WARS1: variants seen among roughly 807,000 people sequenced by gnomAD.
WARS1 encodes the protein tryptophanyl-tRNA synthetase 1.
WARS1 carries 17 observed loss-of-function variants against 47.8 expected under a neutral mutation model. The observed-to-expected ratio is 0.36, with a 90% CI of 0.24 to 0.53. The LOEUF is 0.53. WARS1 is among the 20% of genes least tolerant of loss of function. The pLI is 0.91. For missense variants in WARS1, 434 were observed against 608.0 expected (o/e 0.71, Z 3.01); for synonymous variants, 208 against 228.1 (o/e 0.91, Z 0.79).
intron 4 of WARS1, among the ~76,000 whole-genome samples, chr14:100,359,871 T>G (rs1367240635): frequency 6.6e-6 from 1 of 152,174 alleles, no homozygotes; most frequent in African/African-American, 2.4e-5. Flanking sequence ...AGGTAGAATT[T>G]GAAGTGTTTG....
intron 10 of WARS1, 175 bp downstream of exon 10, chr14:100,336,887 G>A (rs1458478582): frequency 3.9e-6 from 3 of 773,104 alleles, no homozygotes; most frequent in Non-Finnish European, 6.0e-6. Flanking sequence ...ATTTGTTCAT[G>A]AGGCTTCTGA....
rs1415518841 is a variant in WARS1, at chr14:100,353,854, T to C, written c.558A>G (p.Val186=). 1.2e-6 allele frequency: 2 copies of C among 1,613,888 alleles called. No homozygotes were observed. Among genetic ancestry groups the C allele is most frequent in the Non-Finnish European group, 1.7e-6 (2 of 1,179,964 alleles). ...TCTGGATGACCAAGGGCACGTTAAATACATCCTGGAGCCACCTAAAGAAAC... is the reference window on the plus strand; with the variant it reads ...TCTGGATGACCAAGGGCACGTTAAACACATCCTGGAGCCACCTAAAGAAAC... The part of the protein sequence containing the change: ...PFIFTKWLQD[V]FNVPLVIQMT... The change falls in exon 6 of 11, where the codon GTA becomes GTG. Residue 186 remains valine (V), a synonymous_variant. Transcript: ENST00000392882.
At chr14:100,354,329 G>A in intron 5 of WARS1, 118 bp downstream of exon 5, 1 of 1,448,894 alleles carries the variant, frequency 6.9e-7, no homozygotes, top group African/African-American at 1.4e-5. Flanking sequence ...GCCAACTCTT[G>A]ACATCTTGGT....
intron 7 of WARS1, among the ~76,000 whole-genome samples, chr14:100,346,028 T>C (rs1894596202): frequency 6.6e-6 from 1 of 152,220 alleles, no homozygotes; most frequent in Non-Finnish European, 1.5e-5. Context: ...GGCAGCTGAC[T>C]GAAGGCCTCA....
Position 100,336,789 on chromosome 14 carries a change from G to A in WARS1, c.1254+273C>T, listed in dbSNP as rs867233380. 5 of 364,626 alleles carry A rather than the reference G, an allele frequency of 1.4e-5. 1 individual carries two copies. In the South Asian group the frequency reaches 2.3e-4, roughly 17 times the overall value. The allele number at this position is 364,626 out of a possible 1,614,324, so 22.6% of individuals were successfully genotyped here. ...ACTCAACTGTCTTAGCTTTGATCAC[G>A]TTAACTTACATTTCTCTGATGACTA... On this transcript the variant is annotated intron_variant, in intron 10 of 10. Coordinates refer to ENST00000392882, the MANE Select transcript of WARS1 (RefSeq NM_004184.4).
intron 10 of WARS1, among the ~76,000 whole-genome samples, chr14:100,336,209 G>A (rs577464314): frequency 6.7e-6 from 1 of 148,192 alleles, no homozygotes; most frequent in African/African-American, 2.5e-5. Flanking sequence ...CCGGGAGGCA[G>A]AGCTTGCAGT....
In WARS1 at chr14:100,360,615, C is replaced by G. The variant is rs377172185; in HGVS notation, c.361G>C (p.Glu121Gln). ...TGTGGTCTTTGGCCGGTGGCTCTCT[C>G]TATTCGGTTTATTAGCTCTTTGTCA... ...KIDKELINRIERATGQRPHHF... is the reference protein window; with the variant it reads ...KIDKELINRIQRATGQRPHHF... Residue 121 changes from glutamate (E) to glutamine (Q), a missense_variant, in exon 4 of 11, where the codon GAG (glutamate) becomes CAG (glutamine). Around this residue, in one of 2 missense-constraint regions of WARS1, gnomAD observed 347 missense variants for 523.8 expected, o/e 0.66. Coordinates refer to ENST00000392882, the MANE Select transcript of WARS1 (RefSeq NM_004184.4). 2.7e-5 allele frequency: 44 copies of G among 1,613,824 alleles called. No individual in the cohort carries two copies. Among genetic ancestry groups the G allele is most frequent in the Non-Finnish European group, 8.5e-6 (10 of 1,179,868 alleles).
At chr14:100,344,619 A>T (rs1364925223) in intron 7 of WARS1, among the ~76,000 whole-genome samples, 3 of 145,244 alleles carry the variant, frequency 2.1e-5, no homozygotes, top group African/African-American at 7.7e-5. Context: ...CCCGGCCGCC[A>T]TCCCATCTAG....
intron 6 of WARS1, among the ~76,000 whole-genome samples, chr14:100,351,093 G>T (rs1205148278): frequency 6.6e-6 from 1 of 152,122 alleles, no homozygotes; most frequent in Non-Finnish European, 1.5e-5. Context: ...CCAAGTGAAA[G>T]GTGAGAATTC....
chr14:100,345,256 G>A lies in WARS1; in HGVS notation c.826+1490C>T, dbSNP rs557405314. Among the ~76,000 whole-genome samples the A allele has an allele frequency of 2.2e-3, 334 of 151,890 alleles. 2 individuals carry two copies. The highest frequency in any genetic ancestry group is 7.6e-3 in the African/African-American group (315 of 41,502). On this transcript the variant is annotated intron_variant, in intron 7 of 10. Transcript: ENST00000392882. ...GCGGGAAAGGTGGGGAAAAGATTGAGAAATCGGATGGTTGCCGTGTCTGTG... is the reference window on the plus strand; with the variant it reads ...GCGGGAAAGGTGGGGAAAAGATTGAAAAATCGGATGGTTGCCGTGTCTGTG...
At chr14:100,371,756 A>C (rs1896365694) in intron 1 of WARS1, among the ~76,000 whole-genome samples, 1 of 152,044 alleles carries the variant, frequency 6.6e-6, no homozygotes, top group Non-Finnish European at 1.5e-5. Context: ...AATTCCAAAA[A>C]GTATGTAAAT....
intron 3 of WARS1, among the ~76,000 whole-genome samples, 164 bp from the exon 4 acceptor site, chr14:100,360,826 T>C (rs763069449): frequency 6.6e-6 from 1 of 151,934 alleles, no homozygotes; most frequent in Non-Finnish European, 1.5e-5. Flanking sequence ...AAGTAAAAGG[T>C]CTTTGGATTA....
At chr14:100,365,327 C>G (rs1041619422) in intron 2 of WARS1, 2 of 156,940 alleles carry the variant, frequency 1.3e-5, no homozygotes, top group African/African-American at 4.8e-5. Context: ...CACCTGTCAT[C>G]CCAGTACTTT....
chr14:100,360,490 T>G (rs1038232818), intron 4 of WARS1, 64 bp downstream of exon 4: 1 of 1,343,724 alleles, frequency 7.4e-7, no homozygotes, highest in Non-Finnish European at 1.0e-6. Context: ...AGAGAGTGTC[T>G]TACGATTTTT....
Position 100,334,945 on chromosome 14 carries a change from C to T in WARS1, c.1346G>A (p.Arg449His), listed in dbSNP as rs372639869. ...CACTATCTCATCCGTGACCTCCTTG[C>T]GCCGGGCCTGGTGCTCTGCGATCAA... ...QPLIAEHQAR[R>H]KEVTDEIVKE... Residue 449 changes from arginine to histidine, a missense_variant, in exon 11 of 11, where the codon CGC becomes CAC. Physicochemically the swap from Arg to His is conservative, Grantham distance 29. Transcript: ENST00000392882. 38 of 1,614,088 alleles carry T rather than the reference C, an allele frequency of 2.4e-5. No individual in the cohort carries two copies. The highest frequency in any genetic ancestry group is 4.0e-5 in the African/African-American group (3 of 74,930).
chr14:100,369,497 G>C (rs1353767552), intron 1 of WARS1, among the ~76,000 whole-genome samples: 1 of 151,900 alleles, frequency 6.6e-6, no homozygotes, highest in Non-Finnish European at 1.5e-5. Context: ...CTGACTTAAG[G>C]TGTGAATCTA....
At chr14:100,335,721 C>T (rs1893675764) in intron 10 of WARS1, among the ~76,000 whole-genome samples, 1 of 152,148 alleles carries the variant, frequency 6.6e-6, no homozygotes, top group Non-Finnish European at 1.5e-5. Flanking sequence ...GATTGTACTG[C>T]ATGCTCATTA....
intron 6 of WARS1, among the ~76,000 whole-genome samples, chr14:100,347,121 A>T (rs1277586228): frequency 2.2e-4 from 33 of 152,254 alleles, no homozygotes; most frequent in Admixed American, 1.8e-3. Flanking sequence ...CAAACAAGGC[A>T]AGAACACAAG....
In WARS1 at chr14:100,344,758, G is replaced by A. The variant is rs1305471501; in HGVS notation, c.827-1371C>T. 6.0e-3 allele frequency among the ~76,000 whole-genome samples: 904 copies of A among 151,404 alleles called. 6 individuals carry two copies. Among genetic ancestry groups the A allele is most frequent in the Middle Eastern group, 0.01 (3 of 292 alleles). On this transcript the variant is annotated intron_variant, in intron 7 of 10. Coordinates refer to ENST00000392882, the MANE Select transcript of WARS1 (RefSeq NM_004184.4). The stretch of plus-strand genomic sequence containing the variant: ...CCGCCCCGTCTGGGATGTGAGGAGC[G>A]CCTCTACCCGGCCGCGACCCCATCC...
Sources: gnomAD v4.1 joint callset for allele counts (sites outside exome capture counted in the v4.1 genomes callset) on GRCh38, gnomAD v4.1.1 for gene constraint, gnomAD v4.1.1 regional missense constraint, MANE v1.5 for transcripts, NCBI Gene and HGNC (gene_info 2026-07-23, HGNC 2026-07-21) for gene names.